The following ALCAM variants were observed in gnomAD, a reference collection of about 807,000 sequenced individuals.
ALCAM encodes activated leukocyte cell adhesion molecule, also known as CD166 antigen.
A neutral mutation model predicts 70.9 loss-of-function variants in ALCAM; 30 were observed. That is an observed-to-expected ratio of 0.42 (90% CI 0.32 to 0.57). ALCAM has a LOEUF of 0.57. Among genes scored for constraint, ALCAM ranks in the 20% least tolerant of loss-of-function variants. ALCAM has a pLI of 0.11. For synonymous variants in ALCAM, 249 were observed against 242.5 expected, an observed-to-expected ratio of 1.03 and a Z score of -0.25; for missense variants, 591 against 695.1, an observed-to-expected ratio of 0.85 and a Z score of 1.68.
chr3:105,493,392 T>A (rs957635477), intron 1 of ALCAM, among the ~76,000 whole-genome samples: 3 of 152,174 alleles, frequency 2.0e-5, no homozygotes, highest in Admixed American at 1.3e-4. Context: ...CCCAAAGATG[T>A]CCAGATTCTG....
intron 3 of ALCAM, chr3:105,525,465 G>T: frequency 1.7e-6 from 1 of 605,220 alleles, no homozygotes; most frequent in Non-Finnish European, 2.1e-6. Context: ...GTTTCAGAAT[G>T]CCAGTCTTTC....
chr3:105,501,922 G>A (rs1433018637), intron 1 of ALCAM, among the ~76,000 whole-genome samples: 1 of 152,178 alleles, frequency 6.6e-6, no homozygotes, highest in Non-Finnish European at 1.5e-5. Context: ...GCAAACTCAA[G>A]TTACAGTTGA....
At chr3:105,464,204 A>T (rs1336587814) in intron 1 of ALCAM, among the ~76,000 whole-genome samples, 1 of 151,296 alleles carries the variant, frequency 6.6e-6, no homozygotes, top group Non-Finnish European at 1.5e-5. Flanking sequence ...CTTTTACTAA[A>T]AGCTTCTATT....
intron 1 of ALCAM, among the ~76,000 whole-genome samples, chr3:105,458,410 T>C (rs2152595942): frequency 6.6e-6 from 1 of 152,268 alleles, no homozygotes; most frequent in East Asian, 1.9e-4. Context: ...CCAAAGGAGA[T>C]CCTACTCCAG....
chr3:105,392,005 G>A (rs926151647), intron 1 of ALCAM, among the ~76,000 whole-genome samples: 6 of 151,870 alleles, frequency 4.0e-5, no homozygotes, highest in South Asian at 2.1e-4. Flanking sequence ...TTACATCAGT[G>A]TTCTTCAGGG....
intron 1 of ALCAM, among the ~76,000 whole-genome samples, chr3:105,436,520 G>C (rs145763171): frequency 1.3e-5 from 2 of 151,918 alleles, no homozygotes; most frequent in Admixed American, 1.3e-4. Context: ...GTAGAGATGG[G>C]GTTTCACCGT....
intron 1 of ALCAM, among the ~76,000 whole-genome samples, chr3:105,509,731 A>G (rs1412785932): frequency 1.3e-5 from 2 of 151,920 alleles, no homozygotes; most frequent in Non-Finnish European, 2.9e-5. Context: ...AGTTTAATAT[A>G]GTCTTACCTG....
intron 1 of ALCAM, among the ~76,000 whole-genome samples, chr3:105,502,679 A>G (rs1938957907): frequency 6.6e-6 from 1 of 152,250 alleles, no homozygotes; most frequent in Non-Finnish European, 1.5e-5. Context: ...GGTATTTGAA[A>G]GACATATAAA....
At chr3:105,563,757 G>A (rs1940684150) in intron 14 of ALCAM, among the ~76,000 whole-genome samples, 3 of 130,200 alleles carry the variant, frequency 2.3e-5, no homozygotes, top group East Asian at 2.4e-4. Context: ...GCGCAATCTC[G>A]GCTCACTGCA....
At chr3:105,417,770 A>G (rs1936541061) in intron 1 of ALCAM, among the ~76,000 whole-genome samples, 1 of 151,758 alleles carries the variant, frequency 6.6e-6, no homozygotes, top group South Asian at 2.1e-4. Context: ...AAGTAGTAGT[A>G]TTAACATTGA....
chr3:105,430,217 A>G lies in ALCAM; in HGVS notation c.73+62736A>G, dbSNP rs1030913888. Among the ~76,000 whole-genome samples, 24 of 151,964 alleles carry G rather than the reference A, an allele frequency of 1.6e-4. 1 individual carries two copies. Among genetic ancestry groups the G allele is most frequent in the African/African-American group, 5.8e-4 (24 of 41,408 alleles). ...TATATTAATATCATATTTATAGTAC[A>G]TTTATCACAATTGAGATAATATTGA... On this transcript the variant is annotated intron_variant, in intron 1 of 15. Coordinates refer to ENST00000306107, the MANE Select transcript of ALCAM (RefSeq NM_001627.4).
At chr3:105,450,691 A>C (rs1937404796) in intron 1 of ALCAM, among the ~76,000 whole-genome samples, 1 of 152,164 alleles carries the variant, frequency 6.6e-6, no homozygotes, top group South Asian at 2.1e-4. Flanking sequence ...GAATAGATGG[A>C]GTGTGCAAGG....
chr3:105,370,110 T>C (rs530654379), intron 1 of ALCAM, among the ~76,000 whole-genome samples: 9 of 152,330 alleles, frequency 5.9e-5, no homozygotes, highest in East Asian at 1.9e-4. Flanking sequence ...CTCACTGATA[T>C]AAGATTCATT....
intron 1 of ALCAM, among the ~76,000 whole-genome samples, chr3:105,411,805 A>T (rs1326891553): frequency 6.6e-6 from 1 of 152,066 alleles, no homozygotes; most frequent in Non-Finnish European, 1.5e-5. Context: ...ATAGCTTCTG[A>T]TGTTGGAGAG....
At chr3:105,519,731 T>C (rs1939479678) in intron 1 of ALCAM, among the ~76,000 whole-genome samples, 1 of 152,176 alleles carries the variant, frequency 6.6e-6, no homozygotes, top group Non-Finnish European at 1.5e-5. Context: ...ATTATTTCTA[T>C]GAAATACAGT....
chr3:105,377,773 T>A (rs986473080), intron 1 of ALCAM, among the ~76,000 whole-genome samples: 2 of 152,052 alleles, frequency 1.3e-5, no homozygotes, highest in East Asian at 3.8e-4. Context: ...TCTTCCATTT[T>A]GTAAAATTAA....
intron 1 of ALCAM, among the ~76,000 whole-genome samples, chr3:105,443,662 T>C (rs1357568783): frequency 6.6e-6 from 1 of 152,194 alleles, no homozygotes; most frequent in Non-Finnish European, 1.5e-5. Flanking sequence ...TATTAAACAA[T>C]GGACAAATGT....
chr3:105,418,812 G>C (rs1347663909), intron 1 of ALCAM, among the ~76,000 whole-genome samples: 1 of 151,310 alleles, frequency 6.6e-6, no homozygotes, highest in East Asian at 1.9e-4. Flanking sequence ...GAGTTTTCCA[G>C]ATATTCACTG....
At chr3:105,384,074 GA>G (rs1398991876) in intron 1 of ALCAM, among the ~76,000 whole-genome samples, 1 of 151,636 alleles carries the variant, frequency 6.6e-6, no homozygotes, top group African/African-American at 2.4e-5. Context: ...ATGCTTTTGA[GA>G]GTAAAATATT....
Sources: allele counts gnomAD v4.1 joint callset (sites outside exome capture counted in the v4.1 genomes callset), GRCh38; gene constraint gnomAD v4.1.1; transcripts MANE v1.5; gene names NCBI Gene and HGNC (gene_info 2026-07-23, HGNC 2026-07-21).